The following GUCY2C variants were observed in gnomAD, a reference collection of about 807,000 sequenced individuals.
GUCY2C encodes the protein guanylyl cyclase C.
Under a neutral mutation model 131.1 loss-of-function variants are expected in GUCY2C, and 118 were observed. The observed-to-expected ratio is 0.90, with a 90% CI of 0.78 to 1.05. The LOEUF (loss-of-function observed/expected upper bound fraction) is 1.05. GUCY2C is among the 50% of genes least tolerant of loss of function. GUCY2C has a pLI of 0.00. For synonymous variants in GUCY2C, 452 were observed against 457.8 expected (o/e 0.99, Z 0.16); for missense variants, 1,161 against 1,304.4 (o/e 0.89, Z 1.69).
rs1303077040 is a variant in GUCY2C at position 14,669,703 on chromosome 12, T to A, written c.1282+19A>T. 8.2e-7 allele frequency: 1 copy of A among 1,218,278 alleles called. No homozygotes were observed. Among genetic ancestry groups the A allele is most frequent in the Non-Finnish European group, 1.2e-6 (1 of 835,158 alleles). The allele number at this position is 1,218,278 out of a possible 1,614,324, so 75.5% of individuals were successfully genotyped here. A position where few individuals can be genotyped will look rare whatever the true frequency, so the allele number is the denominator to read the frequency against. On this transcript the variant is annotated intron_variant, in intron 10 of 26. Coordinates refer to ENST00000261170, the MANE Select transcript of GUCY2C (RefSeq NM_004963.4). ...GGAAAACAGTGTCAGGGAGAGAAAA[T>A]TCATTAGGGATATCTTACCCCGGCC...
At chr12:14,678,970 G>A (rs1303015952) in intron 6 of GUCY2C, among the ~76,000 whole-genome samples, 1 of 152,160 alleles carries the variant, frequency 6.6e-6, no homozygotes, top group African/African-American at 2.4e-5. Flanking sequence ...AAATGTGGAG[G>A]AAAAGATCAC....
chr12:14,692,290 C>T (rs1451790069), intron 1 of GUCY2C, among the ~76,000 whole-genome samples: 1 of 152,140 alleles, frequency 6.6e-6, no homozygotes, highest in Non-Finnish European at 1.5e-5. Context: ...ATATAGCTAT[C>T]TTCCATTAAG....
intron 21 of GUCY2C, among the ~76,000 whole-genome samples, chr12:14,623,438 C>T (rs1399367555): frequency 6.6e-6 from 1 of 152,182 alleles, no homozygotes; most frequent in Admixed American, 6.5e-5. Context: ...AAAAACATTC[C>T]TTTGGTGTGG....
intron 10 of GUCY2C, chr12:14,666,110 C>G (rs533513957): frequency 2.0e-5 from 3 of 152,272 alleles, no homozygotes; most frequent in African/African-American, 4.8e-5. Flanking sequence ...TATATAGGGC[C>G]CAGGGGATTG....
At chr12:14,626,640 G>A (rs990660248) in intron 20 of GUCY2C, among the ~76,000 whole-genome samples, 2 of 152,088 alleles carry the variant, frequency 1.3e-5, no homozygotes, top group Non-Finnish European at 2.9e-5. Flanking sequence ...TAACAAAAGT[G>A]TGGTTAAAAT....
rs552539326 is a variant in GUCY2C at position 14,674,316 on chromosome 12, A to AGC, written c.1084+308_1084+309insGC. 38 of 379,806 alleles carry AGC rather than the reference A, an allele frequency of 1.0e-4. No homozygotes were observed. The East Asian group carries it at 2.0e-3, about 20-fold the overall frequency. 23.5% of individuals were successfully genotyped at this position (379,806 alleles called of 1,614,324 possible). A position where few individuals can be genotyped will look rare whatever the true frequency, so the allele number is the denominator to read the frequency against. On this transcript the variant is annotated intron_variant, in intron 8 of 26. Coordinates refer to ENST00000261170, the MANE Select transcript of GUCY2C (RefSeq NM_004963.4). ...AACTGCAAATGTTTATCCTCTTGTT[A>AGC]GTCTCCAAGCACAGTCAGGACATTA...
intron 16 of GUCY2C, among the ~76,000 whole-genome samples, chr12:14,644,482 G>A (rs1222019688): frequency 2.0e-5 from 3 of 152,226 alleles, no homozygotes; most frequent in Non-Finnish European, 2.9e-5. Context: ...GGAGTGACGT[G>A]TGTGGCAAAT....
chr12:14,669,587 G>T lies in GUCY2C; in HGVS notation c.1282+135C>A. On this transcript the variant is annotated intron_variant, in intron 10 of 26. Transcript: ENST00000261170. ...GAAGTAAGGACCACATTTACAAACTGGACAGCAGGAAATCAAACTGGGACA... is the reference window on the plus strand; with the variant it reads ...GAAGTAAGGACCACATTTACAAACTTGACAGCAGGAAATCAAACTGGGACA... The T allele has an allele frequency of 5.1e-6, 3 of 587,360 alleles. No individual in the cohort carries two copies. The South Asian group carries it at 6.4e-5, about 12-fold the overall frequency. 36.4% of individuals were successfully genotyped at this position (587,360 alleles called of 1,614,324 possible). A position where few individuals can be genotyped will look rare whatever the true frequency, so the allele number is the denominator to read the frequency against.
chr12:14,685,866 C>T (rs986547300), intron 3 of GUCY2C, among the ~76,000 whole-genome samples: 1 of 152,138 alleles, frequency 6.6e-6, no homozygotes, highest in African/African-American at 2.4e-5. Context: ...TATTAAACGC[C>T]TCAAATTATC....
At chr12:14,635,409 C>A (rs1352795151) in intron 19 of GUCY2C, among the ~76,000 whole-genome samples, 1 of 151,994 alleles carries the variant, frequency 6.6e-6, no homozygotes, top group Non-Finnish European at 1.5e-5. Context: ...AAAATTAAAA[C>A]AAATGAAAAT....
At position 14,612,826 on chromosome 12, in the gene GUCY2C, G is replaced by A. The variant is rs1009796721; in HGVS notation, c.*291C>T. The A allele has an allele frequency of 3.5e-6, 1 of 285,368 alleles. No homozygotes were observed. The highest frequency in any genetic ancestry group is 6.4e-6 in the Non-Finnish European group (1 of 155,144). 17.7% of individuals were successfully genotyped at this position (285,368 alleles called of 1,614,324 possible). A position where few individuals can be genotyped will look rare whatever the true frequency, so the allele number is the denominator to read the frequency against. The stretch of plus-strand genomic sequence containing the variant: ...AACAAACAAAAAATAAATGAAATAA[G>A]AATAAAATCTTCTCAAGTTCTAGAT... On this transcript the variant is annotated 3_prime_UTR_variant, in exon 27 of 27. Coordinates refer to ENST00000261170, the MANE Select transcript of GUCY2C (RefSeq NM_004963.4).
intron 21 of GUCY2C, among the ~76,000 whole-genome samples, chr12:14,624,684 A>G (rs1946970438): frequency 6.6e-6 from 1 of 152,176 alleles, no homozygotes; most frequent in Non-Finnish European, 1.5e-5. Context: ...AACCAAAGTG[A>G]GTTGTGCTGA....
Position 14,648,527 on chromosome 12 carries a change from C to A in GUCY2C, c.1710+2880G>T, listed in dbSNP as rs11056080. Among the ~76,000 whole-genome samples the A allele has an allele frequency of 1.5e-3, 226 of 152,328 alleles. 3 individuals are homozygous for A. In the South Asian group the frequency reaches 0.021, roughly 14 times the overall value. ...ATCTGCCCAACAACTGCCTGTCCAA[C>A]CTCTGACTGGCATCATCCTTGCTAC... is the stretch of plus-strand genomic sequence containing the variant. On this transcript the variant is annotated intron_variant, in intron 15 of 26. Transcript: ENST00000261170.
Position 14,631,438 on chromosome 12 carries a change from G to A in GUCY2C, c.2158-2701C>T, listed in dbSNP as rs1328610905. 7.5e-5 allele frequency among the ~76,000 whole-genome samples: 11 copies of A among 146,308 alleles called. No homozygotes were observed. In the Admixed American group the frequency reaches 7.8e-4, roughly 10 times the overall value. On this transcript the variant is annotated intron_variant, in intron 19 of 26. Coordinates refer to ENST00000261170, the MANE Select transcript of GUCY2C (RefSeq NM_004963.4). Reference sequence around the variant, plus strand: ...GATGTTCCCCTTCCTGTGTCCATGTGTTCTCATTGTTCAATTCCACCTATG... The same window carrying A: ...GATGTTCCCCTTCCTGTGTCCATGTATTCTCATTGTTCAATTCCACCTATG...
intron 3 of GUCY2C, 22 bp from the exon 4 acceptor site, chr12:14,683,279 A>G (rs1948388516): frequency 6.0e-6 from 9 of 1,498,394 alleles, no homozygotes; most frequent in Non-Finnish European, 7.4e-6. Context: ...GGTTGAGGAA[A>G]AAAGCCATTA....
At chr12:14,620,574 T>C (rs1946874954) in intron 23 of GUCY2C, among the ~76,000 whole-genome samples, 1 of 152,210 alleles carries the variant, frequency 6.6e-6, no homozygotes, top group African/African-American at 2.4e-5. Flanking sequence ...ATGTACTTTC[T>C]GTATAACTGC....
At chr12:14,654,910 A>T (rs1947733306) in intron 12 of GUCY2C, among the ~76,000 whole-genome samples, 1 of 152,158 alleles carries the variant, frequency 6.6e-6, no homozygotes, top group Non-Finnish European at 1.5e-5. Context: ...AGTTCCTATA[A>T]ACTGCAACCT....
At chr12:14,689,708 A>T (rs548451239) in intron 1 of GUCY2C, among the ~76,000 whole-genome samples, 2 of 152,304 alleles carry the variant, frequency 1.3e-5, no homozygotes, top group East Asian at 3.9e-4. Flanking sequence ...GCATGAGGGA[A>T]TGGCCTTTTA....
chr12:14,663,727 G>T (rs187844930), intron 10 of GUCY2C, among the ~76,000 whole-genome samples: 1 of 152,286 alleles, frequency 6.6e-6, no homozygotes, highest in African/African-American at 2.4e-5. Flanking sequence ...TGGGGGCACA[G>T]TCCATGTCCT....
Sources: gnomAD v4.1 joint callset for allele counts (sites outside exome capture counted in the v4.1 genomes callset) on GRCh38, gnomAD v4.1.1 for gene constraint, MANE v1.5 for transcripts, NCBI Gene and HGNC (gene_info 2026-07-23, HGNC 2026-07-21) for gene names.